The following PRCC variants were observed in gnomAD, a reference collection of about 807,000 sequenced individuals.
PRCC encodes proline-rich protein PRCC.
Under a neutral mutation model 44.0 loss-of-function variants are expected in PRCC, and 10 were observed. The observed-to-expected ratio is 0.23, with a 90% CI of 0.14 to 0.39. The LOEUF is 0.39. Ranked by LOEUF, PRCC falls within the 10% of genes least tolerant of loss-of-function variation. The probability of loss-of-function intolerance (pLI) is 1.00; values close to 1 mark genes in which losing one functional copy is unlikely to be tolerated. For synonymous variants in PRCC, 278 were observed against 259.5 expected (o/e 1.07, Z -0.69); for missense variants, 573 against 624.7 (o/e 0.92, Z 0.88).
At chr1:156,790,368 A>G (rs1652429954) in intron 3 of PRCC, among the ~76,000 whole-genome samples, 3 of 152,264 alleles carry the variant, frequency 2.0e-5, no homozygotes, top group Admixed American at 6.5e-5. Context: ...CACGCCTGCA[A>G]TCCCAGCACT....
chr1:156,784,012 T>G (rs1294580386), intron 2 of PRCC, among the ~76,000 whole-genome samples: 2 of 151,542 alleles, frequency 1.3e-5, no homozygotes, highest in African/African-American at 4.8e-5. Context: ...AGTGGTGCGA[T>G]CTTGGCTCAC....
rs1295188705 is a variant in PRCC at position 156,768,109 on chromosome 1, C to T, written c.338C>T (p.Pro113Leu). 3 of 1,582,146 alleles carry T rather than the reference C, an allele frequency of 1.9e-6. No homozygotes were observed. Among genetic ancestry groups the T allele is most frequent in the African/African-American group, 2.7e-5 (2 of 74,546 alleles). The change falls in exon 1 of 7, where the codon CCC becomes CTC. Residue 113 changes from proline to leucine, a missense_variant. Pro to Leu is a moderately conservative substitution (Grantham distance 98, BLOSUM62 -3). This residue lies in a region of PRCC where 245 missense variants were observed against 188.5 expected (regional missense o/e 1.30). Transcript: ENST00000271526. Reference sequence around the variant, plus strand: ...GGGGAGGGACTGGGATTGGGGTTGCCCTCGCCCCGAGGCCCTGGCCTCAAT... The same window carrying T: ...GGGGAGGGACTGGGATTGGGGTTGCTCTCGCCCCGAGGCCCTGGCCTCAAT... ...GVGEGLGLGL[P>L]SPRGPGLNLP...
chr1:156,774,691 C>T (rs1306049790), intron 1 of PRCC, among the ~76,000 whole-genome samples: 9 of 151,780 alleles, frequency 5.9e-5, no homozygotes, highest in Non-Finnish European at 1.2e-4. Flanking sequence ...TGGTGGCTCA[C>T]GCCTGTAAAC....
chr1:156,797,450 C>A, intron 6 of PRCC, 109 bp downstream of exon 6: 1 of 1,299,280 alleles, frequency 7.7e-7, no homozygotes, highest in Non-Finnish European at 1.1e-6. Context: ...AGCAGCCCAT[C>A]TTTTAGCAGG....
intron 1 of PRCC, among the ~76,000 whole-genome samples, chr1:156,773,583 CCTT>C (rs1281089905): frequency 2.0e-5 from 3 of 152,300 alleles, no homozygotes; most frequent in Non-Finnish European, 2.9e-5. Context: ...CTAGCATTGT[CCTT>C]CTTTCTTGAT....
chr1:156,771,401 G>C (rs1651628890), intron 1 of PRCC, among the ~76,000 whole-genome samples: 1 of 152,202 alleles, frequency 6.6e-6, no homozygotes, highest in Admixed American at 6.5e-5. Context: ...GAGGGAGCAA[G>C]ACTGGCAGAA....
At chr1:156,787,718 T>C (rs1253140745) in intron 3 of PRCC, among the ~76,000 whole-genome samples, 1 of 141,728 alleles carries the variant, frequency 7.1e-6, no homozygotes, top group Non-Finnish European at 1.5e-5. Context: ...GGCACAATCT[T>C]GGCTCAGCTG....
intron 1 of PRCC, among the ~76,000 whole-genome samples, chr1:156,768,872 T>G (rs557419533): frequency 6.6e-6 from 1 of 152,324 alleles, no homozygotes; most frequent in African/African-American, 2.4e-5. Flanking sequence ...TTTTACCTGG[T>G]AACAGGGCAG....
Position 156,782,269 on chromosome 1 carries a change from CTTT to C in PRCC, c.469-10_469-8del. The C allele has an allele frequency of 6.3e-7, 1 of 1,595,400 alleles. No homozygotes were observed. Among genetic ancestry groups the C allele is most frequent in the South Asian group, 1.1e-5 (1 of 90,254 alleles). On this transcript the variant is annotated splice_polypyrimidine_tract_variant and intron_variant, in intron 1 of 6. Coordinates refer to ENST00000271526, the MANE Select transcript of PRCC (RefSeq NM_005973.5). ...AAAACAGTGAGGCCTTACTTCATTT[CTTT>C]TTCTCTTAGTCAGATTCTGAGGAAG...
chr1:156,793,901 A>G (rs1652572404), intron 4 of PRCC, among the ~76,000 whole-genome samples: 1 of 150,108 alleles, frequency 6.7e-6, no homozygotes, highest in South Asian at 2.1e-4. Flanking sequence ...TGCTGGTATT[A>G]TAGATGTGAG....
rs1651953348 is a variant in PRCC, at chr1:156,779,148, T to A, written c.469-3134T>A. On this transcript the variant is annotated intron_variant, in intron 1 of 6. Coordinates refer to ENST00000271526, the MANE Select transcript of PRCC (RefSeq NM_005973.5). The stretch of plus-strand genomic sequence containing the variant: ...TATATATTTTTTTTTTTTTTTTTTT[T>A]TTTTTTTTTTTCTTTTTTTCTCCTG... Among the ~76,000 whole-genome samples the A allele has an allele frequency of 4.3e-5, 4 of 92,508 alleles. 1 individual carries two copies. Among genetic ancestry groups the A allele is most frequent in the Admixed American group, 1.4e-4 (1 of 7,356 alleles). 60.7% of individuals were successfully genotyped at this position (92,508 alleles called of 152,430 possible). A position where few individuals can be genotyped will look rare whatever the true frequency, so the allele number is the denominator to read the frequency against.
At chr1:156,774,490 T>A (rs1651749030) in intron 1 of PRCC, among the ~76,000 whole-genome samples, 1 of 151,428 alleles carries the variant, frequency 6.6e-6, no homozygotes, top group Admixed American at 6.6e-5. Context: ...TTTTCTTTTT[T>A]CTTTTTTTTT....
At chr1:156,795,295 T>G (rs1209024659) in intron 5 of PRCC, among the ~76,000 whole-genome samples, 3 of 127,810 alleles carry the variant, frequency 2.3e-5, no homozygotes, top group Non-Finnish European at 4.9e-5. Flanking sequence ...GTTTTTTTTT[T>G]TTTTTTTTTT....
Position 156,786,697 on chromosome 1 carries a change from T to C in PRCC, c.606T>C (p.His202=). The C allele has an allele frequency of 6.2e-7, 1 of 1,614,190 alleles. No homozygotes were observed. The highest frequency in any genetic ancestry group is 8.5e-7 in the Non-Finnish European group (1 of 1,180,026). ...VKETNRLLLP[H]AFSRKPSDGS... Reference sequence around the variant, plus strand: ...AGACTAACAGGTTGCTCCTGCCCCATGCCTTCTCCCGCAAACCCTCGGATG... The same window carrying C: ...AGACTAACAGGTTGCTCCTGCCCCACGCCTTCTCCCGCAAACCCTCGGATG... The change falls in exon 3 of 7, where the codon CAT becomes CAC. Residue 202 remains histidine, a synonymous_variant. Coordinates refer to ENST00000271526, the MANE Select transcript of PRCC (RefSeq NM_005973.5).
chr1:156,784,362 C>T (rs1652157966), intron 2 of PRCC, among the ~76,000 whole-genome samples: 1 of 152,164 alleles, frequency 6.6e-6, no homozygotes, highest in African/African-American at 2.4e-5. Flanking sequence ...TAGACTGGCT[C>T]AGAAGGCGCC....
At chr1:156,783,828 A>G (rs961707211) in intron 2 of PRCC, among the ~76,000 whole-genome samples, 1 of 152,130 alleles carries the variant, frequency 6.6e-6, no homozygotes, top group Non-Finnish European at 1.5e-5. Flanking sequence ...TTGTGATTCA[A>G]GTGGCCTTCT....
At chr1:156,800,347 C>T in intron 6 of PRCC, 27 bp from the exon 7 acceptor site, 3 of 1,609,688 alleles carry the variant, frequency 1.9e-6, no homozygotes, top group Non-Finnish European at 2.6e-6. Flanking sequence ...CAGTTTGACC[C>T]TCCCCTACCC....
Position 156,800,650 on chromosome 1 carries a change from C to T in PRCC, c.*190C>T. On this transcript the variant is annotated 3_prime_UTR_variant, in exon 7 of 7. Coordinates refer to ENST00000271526, the MANE Select transcript of PRCC (RefSeq NM_005973.5). The stretch of plus-strand genomic sequence containing the variant: ...GTTAGAAAATTCAGCTCCTTTCTGT[C>T]CTGGAGCTAGCAAAGACTTGTGTGA... The T allele has an allele frequency of 3.5e-6, 2 of 579,202 alleles. No homozygotes were observed. Among genetic ancestry groups the T allele is most frequent in the Non-Finnish European group, 6.1e-6 (2 of 328,204 alleles). The allele number at this position is 579,202 out of a possible 1,614,324, so 35.9% of individuals were successfully genotyped here.
In PRCC at chr1:156,784,068, T is replaced by C. The variant is rs573401933; in HGVS notation, c.516+1739T>C. Among the ~76,000 whole-genome samples the C allele has an allele frequency of 1.9e-3, 285 of 152,040 alleles. 1 individual carries two copies. The highest frequency in any genetic ancestry group is 6.4e-3 in the African/African-American group (266 of 41,496). ...TTCACGCCATTCTCCTGCCTCAGCC[T>C]CCAGAGTAGCTGGGACTACAGGCAC... On this transcript the variant is annotated intron_variant, in intron 2 of 6. Coordinates refer to ENST00000271526, the MANE Select transcript of PRCC (RefSeq NM_005973.5).
Sources: gnomAD v4.1 joint callset for allele counts (sites outside exome capture counted in the v4.1 genomes callset) on GRCh38, gnomAD v4.1.1 for gene constraint, gnomAD v4.1.1 regional missense constraint, MANE v1.5 for transcripts, NCBI Gene and HGNC (gene_info 2026-07-23, HGNC 2026-07-21) for gene names.